Variants in SIPA1L3 observed in about 807,000 individuals in gnomAD.
SIPA1L3 encodes the protein signal induced proliferation associated 1 like 3.
In SIPA1L3, 59 loss-of-function variants were observed where a neutral mutation model predicts 150.1. That is an observed-to-expected ratio of 0.39 (90% confidence interval 0.32 to 0.49). The LOEUF (loss-of-function observed/expected upper bound fraction) is 0.49, where lower values mean the gene tolerates loss of function less well. SIPA1L3 is among the 20% of genes least tolerant of loss of function. The probability of loss-of-function intolerance (pLI) is 0.86; values close to 1 mark genes in which losing one functional copy is unlikely to be tolerated. For synonymous variants in SIPA1L3, 1,070 were observed against 1,077.6 expected (o/e 0.99, Z 0.14); for missense variants, 2,211 against 2,489.5 (o/e 0.89, Z 2.38).
chr19:37,945,857 A>G (rs1315294541), intron 1 of SIPA1L3, among the ~76,000 whole-genome samples: 3 of 151,824 alleles, frequency 2.0e-5, no homozygotes, highest in South Asian at 4.2e-4. Flanking sequence ...CAGAGTGTCT[A>G]TTTTTAAAGA....
intron 4 of SIPA1L3, among the ~76,000 whole-genome samples, chr19:38,092,685 G>A (rs1970286708): frequency 6.6e-6 from 1 of 152,134 alleles, no homozygotes; most frequent in Admixed American, 6.5e-5. Flanking sequence ...TGCTGGGCAT[G>A]GAGGGTACCG....
At chr19:38,203,296 C>T (rs890763397) in intron 20 of SIPA1L3, among the ~76,000 whole-genome samples, 2 of 152,238 alleles carry the variant, frequency 1.3e-5, no homozygotes, top group Non-Finnish European at 2.9e-5. Flanking sequence ...CATTTGCCCC[C>T]ATCTCCCTCT....
chr19:38,127,525 G>C (rs985999624), intron 9 of SIPA1L3, among the ~76,000 whole-genome samples: 1 of 151,938 alleles, frequency 6.6e-6, no homozygotes. Flanking sequence ...CAAGGTCTTG[G>C]TGTCACCCCG....
chr19:38,103,867 A>G (rs1970561948), intron 6 of SIPA1L3, among the ~76,000 whole-genome samples: 2 of 140,284 alleles, frequency 1.4e-5, no homozygotes, highest in African/African-American at 2.8e-5. Context: ...GCACCACCGC[A>G]CTCCAGCCTG....
intron 1 of SIPA1L3, among the ~76,000 whole-genome samples, chr19:37,941,693 CTCTT>C (rs978074636): frequency 2.0e-5 from 3 of 152,182 alleles, no homozygotes; most frequent in African/African-American, 7.2e-5. Flanking sequence ...ATCTTTCTCT[CTCTT>C]TCCCCTGTCG....
rs765595675 is a variant in SIPA1L3, at chr19:38,119,809, G to A, written c.2795G>A (p.Arg932Gln). 20 of 1,613,624 alleles carry A rather than the reference G, an allele frequency of 1.2e-5. No individual in the cohort carries two copies. The highest frequency in any genetic ancestry group is 6.7e-5 in the African/African-American group (5 of 74,934). The change falls in exon 9 of 22, where the codon CGA becomes CAA. Residue 932 changes from arginine (R) to glutamine (Q), a missense_variant. Around this residue, in one of 5 missense-constraint regions of SIPA1L3, gnomAD observed 625 missense variants for 804.2 expected, o/e 0.78. Coordinates refer to ENST00000222345, the MANE Select transcript of SIPA1L3 (RefSeq NM_015073.3). Reference sequence around the variant, plus strand: ...TCCACACTCAAAATCTTCTATGGACGAGGAGACCACATCTTCCTACAGGCG... The same window carrying A: ...TCCACACTCAAAATCTTCTATGGACAAGGAGACCACATCTTCCTACAGGCG... ...DSSTLKIFYG[R>Q]GDHIFLQATE...
At chr19:37,935,853 T>A (rs765698201) in intron 1 of SIPA1L3, among the ~76,000 whole-genome samples, 1 of 152,180 alleles carries the variant, frequency 6.6e-6, no homozygotes, top group Non-Finnish European at 1.5e-5. Context: ...CAGCCCAGAT[T>A]CAGTATGGGA....
intron 1 of SIPA1L3, among the ~76,000 whole-genome samples, chr19:37,924,973 C>T (rs1482118997): frequency 6.6e-6 from 1 of 150,496 alleles, no homozygotes; most frequent in Non-Finnish European, 1.5e-5. Flanking sequence ...TGCTTGAATC[C>T]AGGAGGCAGA....
chr19:38,061,218 A>G (rs1399964017), intron 2 of SIPA1L3, among the ~76,000 whole-genome samples: 1 of 149,714 alleles, frequency 6.7e-6, no homozygotes, highest in Admixed American at 6.7e-5. Context: ...ATGGTTTGGT[A>G]TCTGCCTCCT....
At chr19:38,020,368 C>T (rs1968346950) in intron 1 of SIPA1L3, among the ~76,000 whole-genome samples, 1 of 152,096 alleles carries the variant, frequency 6.6e-6, no homozygotes, top group African/African-American at 2.4e-5. Flanking sequence ...AAAGCCTGAC[C>T]TATTTTGGTA....
intron 10 of SIPA1L3, among the ~76,000 whole-genome samples, chr19:38,134,738 G>A (rs1020253742): frequency 1.3e-5 from 2 of 148,166 alleles, no homozygotes; most frequent in Admixed American, 6.7e-5. Context: ...AAAAAGGCAC[G>A]TGGGACAGTA....
chr19:38,154,613 A>C (rs1325510529), intron 13 of SIPA1L3, among the ~76,000 whole-genome samples: 1 of 151,980 alleles, frequency 6.6e-6, no homozygotes, highest in African/African-American at 2.4e-5. Context: ...ACACCTGGCT[A>C]ATTTTTGTAT....
intron 10 of SIPA1L3, among the ~76,000 whole-genome samples, chr19:38,132,369 C>G (rs527684197): frequency 2.6e-5 from 4 of 151,858 alleles, no homozygotes; most frequent in African/African-American, 9.6e-5. Flanking sequence ...CCAGCCTGAA[C>G]CAGGCTGGAG....
intron 2 of SIPA1L3, among the ~76,000 whole-genome samples, chr19:38,078,593 GA>G (rs1969908345): frequency 9.5e-6 from 1 of 105,060 alleles, no homozygotes; most frequent in Non-Finnish European, 2.0e-5. Context: ...CACACACACA[GA>G]CACACACACA....
At chr19:38,167,891 T>G (rs965724101) in intron 15 of SIPA1L3, among the ~76,000 whole-genome samples, 1 of 152,158 alleles carries the variant, frequency 6.6e-6, no homozygotes, top group Non-Finnish European at 1.5e-5. Flanking sequence ...CTTTTGAACA[T>G]GTGGACTCTT....
At chr19:38,189,016 C>T (rs1229778977) in intron 16 of SIPA1L3, among the ~76,000 whole-genome samples, 1 of 152,150 alleles carries the variant, frequency 6.6e-6, no homozygotes, top group Non-Finnish European at 1.5e-5. Context: ...CTGCATCCTT[C>T]CAGAAATGTT....
chr19:38,077,495 T>C (rs1306517571), intron 2 of SIPA1L3, among the ~76,000 whole-genome samples: 1 of 151,712 alleles, frequency 6.6e-6, no homozygotes, highest in East Asian at 1.9e-4. Context: ...GAAGTAAGCC[T>C]GTTCATAAGT....
chr19:37,994,507 T>C (rs974219121), intron 1 of SIPA1L3, among the ~76,000 whole-genome samples: 2 of 152,058 alleles, frequency 1.3e-5, no homozygotes, highest in African/African-American at 4.8e-5. Context: ...CCTCCTTGGC[T>C]CTTGAAAACC....
intron 1 of SIPA1L3, among the ~76,000 whole-genome samples, chr19:37,946,853 G>A (rs573277193): frequency 6.6e-6 from 1 of 152,090 alleles, no homozygotes; most frequent in East Asian, 1.9e-4. Flanking sequence ...TTTACATCTA[G>A]GATCTGATAT....
Sources: allele counts gnomAD v4.1 joint callset (sites outside exome capture counted in the v4.1 genomes callset), GRCh38; gene constraint gnomAD v4.1.1; regional missense constraint gnomAD v4.1.1; transcripts MANE v1.5; gene names NCBI Gene and HGNC (gene_info 2026-07-23, HGNC 2026-07-21).